The following U2AF2 variants were observed in gnomAD, a reference collection of about 807,000 sequenced individuals.
U2AF2 encodes U2 small nuclear RNA auxiliary factor 2, also known as splicing factor U2AF 65 kDa subunit.
In U2AF2, 6 loss-of-function variants were observed where a neutral mutation model predicts 52.6. That is an observed-to-expected ratio of 0.11 (90% confidence interval 0.06 to 0.23). The LOEUF (loss-of-function observed/expected upper bound fraction) is 0.23. Ranked by LOEUF, U2AF2 falls within the 10% of genes least tolerant of loss-of-function variation. The pLI is 1.00. For synonymous variants in U2AF2, 284 were observed against 258.2 expected (o/e 1.10, Z -0.96); for missense variants, 222 against 677.1 (o/e 0.33, Z 7.46).
At chr19:55,670,243 T>A (rs1374260592) in intron 11 of U2AF2, among the ~76,000 whole-genome samples, 2 of 152,048 alleles carry the variant, frequency 1.3e-5, no homozygotes, top group Non-Finnish European at 2.9e-5. Context: ...TTTCAGACTC[T>A]GCTAAGTCCT....
At chr19:55,664,964 C>T (rs1279804048) in intron 7 of U2AF2, among the ~76,000 whole-genome samples, 1 of 152,154 alleles carries the variant, frequency 6.6e-6, no homozygotes, top group African/African-American at 2.4e-5. Context: ...GTGATCCGCT[C>T]ACCTCAGTCT....
rs774129170 is a variant in U2AF2, at chr19:55,660,597, A to G, written c.312A>G (p.Pro104=). The change falls in exon 4 of 12, where the codon CCA becomes CCG. Residue 104 remains proline, a synonymous_variant. Transcript: ENST00000308924. ...CCCCAGGCTTTGAGCACATCACCCC[A>G]ATGCAGTACAAGGCCATGCAAGGTA... The part of the protein sequence containing the change: ...VPPPGFEHIT[P]MQYKAMQAAG... The G allele has an allele frequency of 5.1e-6, 8 of 1,564,058 alleles. No individual in the cohort carries two copies. Among genetic ancestry groups the G allele is most frequent in the African/African-American group, 2.8e-5 (2 of 70,216 alleles).
In U2AF2 at chr19:55,657,637, T is replaced by C. The variant is rs527962345; in HGVS notation, c.50-1573T>C. Among the ~76,000 whole-genome samples the C allele has an allele frequency of 6.6e-4, 101 of 152,234 alleles. 1 individual carries two copies. The highest frequency in any genetic ancestry group is 2.1e-3 in the African/African-American group (88 of 41,458). ...TGCCCGCTGCTCTACACTGCTGGCC[T>C]GTCCTGCCGATTGTTCCTCCCAATT... On this transcript the variant is annotated intron_variant, in intron 1 of 11. Transcript: ENST00000308924.
intron 1 of U2AF2, among the ~76,000 whole-genome samples, chr19:55,655,623 T>TG (rs1272965899): frequency 3.3e-5 from 5 of 152,144 alleles, no homozygotes; most frequent in East Asian, 3.9e-4. Flanking sequence ...GAGAACTTGG[T>TG]GGGGGGGCCC....
At chr19:55,662,298 C>T (rs994548331) in intron 5 of U2AF2, 3 of 473,416 alleles carry the variant, frequency 6.3e-6, no homozygotes, top group African/African-American at 2.0e-5. Flanking sequence ...CTACTGCTTC[C>T]TCCCCATTTT....
At chr19:55,655,851 A>T (rs1166451506) in intron 1 of U2AF2, among the ~76,000 whole-genome samples, 1 of 152,266 alleles carries the variant, frequency 6.6e-6, no homozygotes, top group Non-Finnish European at 1.5e-5. Flanking sequence ...GCACGCACAC[A>T]TCCTGCATAT....
chr19:55,674,128 C>G lies in U2AF2; in HGVS notation c.*60C>G. On this transcript the variant is annotated 3_prime_UTR_variant, in exon 12 of 12. Coordinates refer to ENST00000308924, the MANE Select transcript of U2AF2 (RefSeq NM_007279.3). ...GGGGGCTTCTCCCCACTCCCGCCCC[C>G]CCCTTATCCCCCTCTGAAGACGATG... 1 of 1,506,136 alleles carries G rather than the reference C, an allele frequency of 6.6e-7. No homozygotes were observed. The highest frequency in any genetic ancestry group is 8.9e-7 in the Non-Finnish European group (1 of 1,129,666). 93.3% of individuals were successfully genotyped at this position (1,506,136 alleles called of 1,614,324 possible). A position where few individuals can be genotyped will look rare whatever the true frequency, so the allele number is the denominator to read the frequency against.
In U2AF2 at chr19:55,655,116, C is replaced by T. The variant is rs768925053; in HGVS notation, c.12C>T (p.Phe4=). MSD[F]DEFERQLNEN... ...GCGGCCGCCTCAGCATGTCGGACTT[C>T]GACGAGTTCGAGCGGCAGCTCAACG... is the stretch of plus-strand genomic sequence containing the variant. The change falls in exon 1 of 12, where the codon TTC becomes TTT. Residue 4 remains phenylalanine, a synonymous_variant. Coordinates refer to ENST00000308924, the MANE Select transcript of U2AF2 (RefSeq NM_007279.3). 6.2e-6 allele frequency: 10 copies of T among 1,604,814 alleles called. No homozygotes were observed. The highest frequency in any genetic ancestry group is 2.3e-5 in the East Asian group (1 of 43,330).
intron 4 of U2AF2, 45 bp downstream of exon 4, chr19:55,660,664 G>A (rs371940432): frequency 1.3e-6 from 2 of 1,557,094 alleles, no homozygotes; most frequent in East Asian, 2.3e-5. Flanking sequence ...GGGTACAGGG[G>A]TTGGGATTCT....
At chr19:55,665,296 C>T (rs917366564) in intron 7 of U2AF2, among the ~76,000 whole-genome samples, 21 of 151,396 alleles carry the variant, frequency 1.4e-4, no homozygotes, top group Non-Finnish European at 1.2e-4. Flanking sequence ...CAGGGATTGG[C>T]GCTGTCCTAA....
chr19:55,666,769 T>C (rs1984576081), intron 7 of U2AF2, among the ~76,000 whole-genome samples: 1 of 152,198 alleles, frequency 6.6e-6, no homozygotes, highest in Non-Finnish European at 1.5e-5. Flanking sequence ...TCTGTGTTGC[T>C]CAAGTGAGAC....
intron 11 of U2AF2, among the ~76,000 whole-genome samples, chr19:55,670,268 C>T (rs1021170323): frequency 3.3e-5 from 5 of 152,170 alleles, no homozygotes; most frequent in South Asian, 2.1e-4. Flanking sequence ...CCTCCAGCGC[C>T]GTGACAGGTG....
chr19:55,662,652 G>C, intron 6 of U2AF2, 34 bp downstream of exon 6: 2 of 1,577,148 alleles, frequency 1.3e-6, no homozygotes, highest in Non-Finnish European at 1.7e-6. Context: ...TCCAGGAAAC[G>C]TGTGTGATGT....
intron 1 of U2AF2, among the ~76,000 whole-genome samples, chr19:55,657,885 C>A (rs746498786): frequency 6.6e-6 from 1 of 152,194 alleles, no homozygotes; most frequent in Non-Finnish European, 1.5e-5. Flanking sequence ...CCCATTATGT[C>A]AGCCCCCAGC....
intron 3 of U2AF2, 52 bp from the exon 4 acceptor site, chr19:55,660,464 G>C: frequency 8.5e-7 from 1 of 1,183,382 alleles, no homozygotes; most frequent in Non-Finnish European, 1.3e-6. Context: ...CAGGCCCACT[G>C]TTGGTCAGAC....
intron 2 of U2AF2, 28 bp downstream of exon 2, chr19:55,659,373 CAGCCTGGG>C: frequency 1.4e-5 from 21 of 1,461,072 alleles, no homozygotes; most frequent in Non-Finnish European, 1.9e-5. Context: ...TCCCCTGGGC[CAGCCTGGG>C]AGTCGGGGGG....
chr19:55,662,329 C>T lies in U2AF2; in HGVS notation c.487-173C>T, dbSNP rs562329461. The stretch of plus-strand genomic sequence containing the variant: ...ATTTTCTCTCTTGCTTCTGTTCTTA[C>T]TATTGACTTCTACACCCCCACCCAT... On this transcript the variant is annotated intron_variant, in intron 5 of 11. Coordinates refer to ENST00000308924, the MANE Select transcript of U2AF2 (RefSeq NM_007279.3). 423 of 483,570 alleles carry T rather than the reference C, an allele frequency of 8.7e-4. 5 individuals carry two copies. Among genetic ancestry groups the T allele is most frequent in the Non-Finnish European group, 7.8e-5 (21 of 269,112 alleles). 30.0% of individuals were successfully genotyped at this position (483,570 alleles called of 1,614,324 possible). A position where few individuals can be genotyped will look rare whatever the true frequency, so the allele number is the denominator to read the frequency against.
chr19:55,662,724 T>C (rs1481996611), intron 6 of U2AF2, 106 bp downstream of exon 6: 1 of 916,606 alleles, frequency 1.1e-6, no homozygotes. Flanking sequence ...CACCAGGCCC[T>C]CTGCAGCCTC....
At position 55,660,643 on chromosome 19, in the gene U2AF2, C is replaced by T. The variant is rs752894250; in HGVS notation, c.334+24C>T. The T allele has an allele frequency of 3.1e-6, 5 of 1,605,734 alleles. No homozygotes were observed. In the East Asian group the frequency reaches 1.1e-4, roughly 36 times the overall value. On this transcript the variant is annotated intron_variant, in intron 4 of 11. Coordinates refer to ENST00000308924, the MANE Select transcript of U2AF2 (RefSeq NM_007279.3). ...AGGTAGGCCCCTGGCCAGGCTGCTC[C>T]CAGAGCGGGAGGGTACAGGGGTTGG...
Sources: allele counts gnomAD v4.1 joint callset (sites outside exome capture counted in the v4.1 genomes callset), GRCh38; gene constraint gnomAD v4.1.1; transcripts MANE v1.5; gene names NCBI Gene and HGNC (gene_info 2026-07-23, HGNC 2026-07-21).